The following SMG5 variants were observed in gnomAD, a reference collection of about 807,000 sequenced individuals.
The protein encoded by SMG5 is nonsense-mediated mRNA decay factor SMG5.
In SMG5, 53 loss-of-function variants were observed where a neutral mutation model predicts 122.9. The ratio of observed to expected loss-of-function variants is 0.43; its 90% CI spans 0.35 to 0.54. The LOEUF is 0.54. Among genes scored for constraint, SMG5 ranks in the 20% least tolerant of loss-of-function variants. The pLI is 0.01. For synonymous variants in SMG5, 477 were observed against 490.2 expected (o/e 0.97, Z 0.35); for missense variants, 1,153 against 1,285.6 (o/e 0.90, Z 1.58).
chr1:156,273,468 C>A lies in SMG5; in HGVS notation c.545-18G>T. 6.2e-7 allele frequency: 1 copy of A among 1,610,622 alleles called. No individual in the cohort carries two copies. The highest frequency in any genetic ancestry group is 8.5e-7 in the Non-Finnish European group (1 of 1,177,558). ...ATATCGGGCTGCACAAGAGAGAAAACGAAGGGAAACTCGATGATTTTAAGT... is the reference window on the plus strand; with the variant it reads ...ATATCGGGCTGCACAAGAGAGAAAAAGAAGGGAAACTCGATGATTTTAAGT... On this transcript the variant is annotated intron_variant, in intron 5 of 21. Coordinates refer to ENST00000361813, the MANE Select transcript of SMG5 (RefSeq NM_015327.3).
In SMG5 at chr1:156,253,162, A is replaced by G; in HGVS notation, c.2503-84T>C. 3 of 1,423,968 alleles carry G rather than the reference A, an allele frequency of 2.1e-6. No individual in the cohort carries two copies. In the South Asian group the frequency reaches 4.2e-5, roughly 20 times the overall value. 88.2% of individuals were successfully genotyped at this position (1,423,968 alleles called of 1,614,324 possible). A position where few individuals can be genotyped will look rare whatever the true frequency, so the allele number is the denominator to read the frequency against. Reference sequence around the variant, plus strand: ...GAAGAGTGGTGCTCAAGGTGGCTCTATGGGGCTCCTCCTGTTGTTAAGGGG... The same window carrying G: ...GAAGAGTGGTGCTCAAGGTGGCTCTGTGGGGCTCCTCCTGTTGTTAAGGGG... On this transcript the variant is annotated intron_variant, in intron 17 of 21. Coordinates refer to ENST00000361813, the MANE Select transcript of SMG5 (RefSeq NM_015327.3).
chr1:156,253,301 GAGT>G, intron 17 of SMG5, 145 bp downstream of exon 17: 1 of 910,350 alleles, frequency 1.1e-6, no homozygotes, highest in Non-Finnish European at 1.7e-6. Flanking sequence ...AGTGAAGAGT[GAGT>G]AGTAAGGAGG....
At chr1:156,271,650 T>C (rs987307328) in intron 7 of SMG5, among the ~76,000 whole-genome samples, 6 of 108,538 alleles carry the variant, frequency 5.5e-5, no homozygotes, top group East Asian at 3.1e-4. Flanking sequence ...CTCGGCTCAC[T>C]GCAACCTCTG....
At chr1:156,261,631 T>C (rs1160618900) in intron 13 of SMG5, among the ~76,000 whole-genome samples, 1 of 152,112 alleles carries the variant, frequency 6.6e-6, no homozygotes, top group Non-Finnish European at 1.5e-5. Context: ...TTCATGCCTA[T>C]AATCCCAGCA....
At chr1:156,261,235 C>T (rs1661810022) in intron 14 of SMG5, 98 bp downstream of exon 14, 3 of 1,206,042 alleles carry the variant, frequency 2.5e-6, no homozygotes, top group Non-Finnish European at 3.7e-6. Flanking sequence ...TCCCATTAAC[C>T]TCCTTACCCC....
the SMG5 span, among the ~76,000 whole-genome samples, chr1:156,289,853 C>T: frequency 6.6e-6 from 1 of 152,226 alleles, no homozygotes. Flanking sequence ...ATATCTTCCA[C>T]GAAATCTGTG....
At chr1:156,286,250 C>T, upstream of SMG5, 1 of 1,613,596 alleles carries the variant, frequency 6.2e-7, no homozygotes, top group Non-Finnish European at 8.5e-7. Context: ...TGTTTCCCAA[C>T]TCCACCCAGG....
At chr1:156,290,340 C>T in the SMG5 span, 2 of 152,090 alleles carry the variant, frequency 1.3e-5, no homozygotes, top group Non-Finnish European at 2.9e-5. Flanking sequence ...TTTCTTCTTT[C>T]TCCAAGAAAA....
intron 5 of SMG5, among the ~76,000 whole-genome samples, chr1:156,273,940 T>C (rs1662564684): frequency 6.6e-6 from 1 of 152,106 alleles, no homozygotes; most frequent in Non-Finnish European, 1.5e-5. Context: ...GATATTTAGT[T>C]CTGAAATGCA....
At chr1:156,272,611 C>A (rs573532415) in intron 6 of SMG5, among the ~76,000 whole-genome samples, 1 of 151,400 alleles carries the variant, frequency 6.6e-6, no homozygotes. Context: ...CTCGCTCTGT[C>A]GCCCAGGCTG....
Position 156,260,606 on chromosome 1 carries a change from C to G in SMG5, c.2128G>C (p.Val710Leu). Residue 710 changes from valine (V) to leucine (L), a missense_variant, in exon 15 of 22, where the codon GTC (valine) becomes CTC (leucine). Physicochemically the swap from Val to Leu is conservative, Grantham distance 32. This residue lies in a region of SMG5 where 631 missense variants were observed against 650.6 expected (regional missense o/e 0.97). Transcript: ENST00000361813. ...TCACAACCTTCAAGAAGATCTTGGA[C>G]CTCAGGACACAAGGCCAGGCCTGGG... ...QESGLALCPE[V>L]QDLLEGCELP... 1 of 1,513,742 alleles carries G rather than the reference C, an allele frequency of 6.6e-7. No individual in the cohort carries two copies. The highest frequency in any genetic ancestry group is 8.8e-7 in the Non-Finnish European group (1 of 1,135,740). The allele number at this position is 1,513,742 out of a possible 1,614,324, so 93.8% of individuals were successfully genotyped here. A position where few individuals can be genotyped will look rare whatever the true frequency, so the allele number is the denominator to read the frequency against.
At chr1:156,263,243 C>T in intron 13 of SMG5, 152 bp downstream of exon 13, 1 of 865,640 alleles carries the variant, frequency 1.2e-6, no homozygotes, top group South Asian at 1.9e-5. Flanking sequence ...CCTTCCCTGT[C>T]AGAGCATAAG....
Position 156,250,376 on chromosome 1 carries a change from T to C in SMG5, c.*211A>G. On this transcript the variant is annotated 3_prime_UTR_variant, in exon 22 of 22. Coordinates refer to ENST00000361813, the MANE Select transcript of SMG5 (RefSeq NM_015327.3). ...CAAGACTCTCCTAATCCAAGCACTT[T>C]CCTCGCTTTCCTAACGTCTTGGCAA... 1 of 576,850 alleles carries C rather than the reference T, an allele frequency of 1.7e-6. No homozygotes were observed. The allele number at this position is 576,850 out of a possible 1,614,324, so 35.7% of individuals were successfully genotyped here.
At chr1:156,285,438 G>T (rs1173939395), upstream of SMG5, 14 of 1,613,448 alleles carry the variant, frequency 8.7e-6, no homozygotes, top group Admixed American at 2.3e-4. Context: ...AGCACAGTAA[G>T]TGAGGCTGCC....
At chr1:156,271,509 C>A (rs186880616) in intron 7 of SMG5, among the ~76,000 whole-genome samples, 12 of 149,744 alleles carry the variant, frequency 8.0e-5, no homozygotes, top group Non-Finnish European at 1.8e-4. Flanking sequence ...TTGGTTACAG[C>A]GACTTGTATG....
intron 4 of SMG5, 121 bp downstream of exon 4, chr1:156,276,964 A>C: frequency 1.1e-6 from 1 of 934,604 alleles, no homozygotes; most frequent in Admixed American, 2.6e-5. Flanking sequence ...AACCATTTGT[A>C]TGTAGTTCTG....
chr1:156,281,603 T>A (rs1231010618), intron 1 of SMG5, among the ~76,000 whole-genome samples: 1 of 152,244 alleles, frequency 6.6e-6, no homozygotes, highest in East Asian at 1.9e-4. Context: ...CAACATGCTC[T>A]TGACTCTTTC....
chr1:156,274,765 G>T, intron 4 of SMG5, 79 bp from the exon 5 acceptor site: 1 of 1,182,514 alleles, frequency 8.5e-7, no homozygotes, highest in Non-Finnish European at 1.3e-6. Flanking sequence ...CCTCCGAGAT[G>T]TAGAGACTAA....
intron 17 of SMG5, 150 bp from the exon 18 acceptor site, chr1:156,253,228 A>G (rs963352032): frequency 9.4e-5 from 97 of 1,031,370 alleles, no homozygotes; most frequent in Non-Finnish European, 2.6e-5. Context: ...GGGGAAAAGT[A>G]AACAGAAATA....
Sources: gnomAD v4.1 joint callset for allele counts (sites outside exome capture counted in the v4.1 genomes callset) on GRCh38, gnomAD v4.1.1 for gene constraint, gnomAD v4.1.1 regional missense constraint, MANE v1.5 for transcripts, NCBI Gene and HGNC (gene_info 2026-07-23, HGNC 2026-07-21) for gene names.